Variants in DMD observed in about 807,000 individuals in gnomAD.
DMD encodes the protein dystrophin, also known as mutant dystrophin.
In DMD, 63 loss-of-function variants were observed where a neutral mutation model predicts 330.1. The ratio of observed to expected loss-of-function variants is 0.19; its 90% CI spans 0.16 to 0.24. The LOEUF is 0.24. Among genes scored for constraint, DMD ranks in the 10% least tolerant of loss-of-function variants. The pLI, the probability that DMD is intolerant of heterozygous loss-of-function variation, is 1.00. For missense variants in DMD, 3,344 were observed against 2,684.1 expected (o/e 1.25, Z -5.43); for synonymous variants, 1,223 against 959.8 (o/e 1.27, Z -5.07).
intron 37 of DMD, among the ~76,000 whole-genome samples, chrX:32,353,231 G>A (rs2097787743): frequency 9.0e-6 from 1 of 111,271 alleles, no homozygotes; most frequent in Non-Finnish European, 1.9e-5. Flanking sequence ...TTCAGCATTA[G>A]GCTATGCCCA....
chrX:32,342,154 C>A lies in DMD; in HGVS notation c.5868G>T (p.Trp1956Cys). The change falls in exon 41 of 79, where the codon TGG becomes TGT. Residue 1956 changes from tryptophan (W) to cysteine (C), a missense_variant. Transcript: ENST00000357033. ...GAGCAAATTTGCTCTCAATTTCCCG[C>A]CAGCGCTTGCTGAGCTGGATCTGAG... ...EPTQIQLSKRWREIESKFAQF... is the reference protein window; with the variant it reads ...EPTQIQLSKRCREIESKFAQF... 1.7e-6 allele frequency: 2 copies of A among 1,210,117 alleles called. No homozygotes were observed. The highest frequency in any genetic ancestry group is 2.3e-4 in the Middle Eastern group (1 of 4,348).
intron 44 of DMD, among the ~76,000 whole-genome samples, chrX:32,147,278 T>C (rs1180454870): frequency 9.0e-6 from 1 of 111,623 alleles, no homozygotes; most frequent in Non-Finnish European, 1.9e-5. Flanking sequence ...AGTTAATGAG[T>C]TATTTCATGT....
chrX:31,355,696 T>C (rs1279125793), intron 60 of DMD, among the ~76,000 whole-genome samples: 1 of 111,057 alleles, frequency 9.0e-6, no homozygotes, highest in East Asian at 2.8e-4. Context: ...TCATTCTTAC[T>C]CCCAAATCCT....
intron 43 of DMD, among the ~76,000 whole-genome samples, chrX:32,270,363 A>T (rs2097360876): frequency 8.9e-6 from 1 of 112,389 alleles, no homozygotes; most frequent in African/African-American, 3.2e-5. Context: ...GATTCAGAAT[A>T]CCTTTCCAAG....
intron 23 of DMD, 143 bp downstream of exon 23, chrX:32,468,355 A>C: frequency 1.9e-6 from 1 of 515,468 alleles, no homozygotes; most frequent in South Asian, 3.4e-5. Context: ...ATCCTTTGTA[A>C]AAGACTCATG....
rs149871261 is a variant in DMD, at chrX:32,440,014, T to C, written c.3921+1166A>G. 3.4e-3 allele frequency among the ~76,000 whole-genome samples: 383 copies of C among 111,329 alleles called. 2 individuals are homozygous for C. The highest frequency in any genetic ancestry group is 0.012 in the African/African-American group (364 of 30,739). ...TCTCTCTTTCCTTAACATTCCTTTGTGAACATGCCCTAGTTTTTCAGCACA... is the reference window on the plus strand; with the variant it reads ...TCTCTCTTTCCTTAACATTCCTTTGCGAACATGCCCTAGTTTTTCAGCACA... On this transcript the variant is annotated intron_variant, in intron 28 of 78. Transcript: ENST00000357033.
intron 60 of DMD, among the ~76,000 whole-genome samples, chrX:31,372,866 A>G (rs1412899961): frequency 4.5e-5 from 5 of 111,364 alleles, no homozygotes; most frequent in Non-Finnish European, 7.5e-5. Context: ...TCAATTAGGA[A>G]AAGAGGAAGT....
At chrX:32,287,430 C>A in intron 43 of DMD, 99 bp downstream of exon 43, 33 of 824,372 alleles carry the variant, frequency 4.0e-5, no homozygotes, top group Non-Finnish European at 5.9e-5. Context: ...ACTTCTTTTT[C>A]CCTGTCTTTT....
chrX:31,281,288 A>C (rs1293625555), intron 62 of DMD, among the ~76,000 whole-genome samples: 6 of 111,662 alleles, frequency 5.4e-5, no homozygotes, highest in Non-Finnish European at 3.8e-5. Flanking sequence ...CTTGTACCCA[A>C]TATTCTCAAA....
At chrX:33,249,433 G>A (rs1265303648) in intron 1 of DMD, among the ~76,000 whole-genome samples, 1 of 112,224 alleles carries the variant, frequency 8.9e-6, no homozygotes, top group African/African-American at 3.2e-5. Flanking sequence ...TTACAGGCAT[G>A]AGCCACCATG....
At chrX:32,353,515 T>G (rs1030703677) in intron 37 of DMD, among the ~76,000 whole-genome samples, 1 of 111,536 alleles carries the variant, frequency 9.0e-6, no homozygotes, top group African/African-American at 3.2e-5. Flanking sequence ...AAGTTACTTC[T>G]ATTGACTTTA....
chrX:32,783,700 TTAATG>T (rs1303768919), intron 7 of DMD, among the ~76,000 whole-genome samples: 2 of 110,812 alleles, frequency 1.8e-5, no homozygotes, highest in African/African-American at 6.5e-5. Flanking sequence ...TAGAGATAAT[TTAATG>T]TAAACAGGAG....
chrX:32,751,319 G>A (rs1300695264), intron 7 of DMD, among the ~76,000 whole-genome samples: 1 of 111,177 alleles, frequency 9.0e-6, no homozygotes, highest in African/African-American at 3.3e-5. Flanking sequence ...TCCAAGCTGA[G>A]ATGGTCTCAG....
intron 62 of DMD, among the ~76,000 whole-genome samples, chrX:31,287,902 A>G (rs17338430): frequency 0.08 from 8,894 of 111,371 alleles, 485 homozygotes; most frequent in Admixed American, 0.19. Context: ...AAACCTCCCA[A>G]TTAAAGACTC....
Position 32,310,098 on chromosome X carries a change from T to G in DMD, c.6101A>C (p.Gln2034Pro), listed in dbSNP as rs144754029. 1 of 1,207,192 alleles carries G rather than the reference T, an allele frequency of 8.3e-7. No individual in the cohort carries two copies. Among genetic ancestry groups the G allele is most frequent in the East Asian group, 3.0e-5 (1 of 33,658 alleles). ...TGGTTTTACCTTCAGAGACTCCTCT[T>G]GCTTAAAGAGATCTTCAAAGTCCTT... Reference protein sequence around the residue: ...CAKDFEDLFKQEESLKNIKDS... With the variant: ...CAKDFEDLFKPEESLKNIKDS... Residue 2034 changes from glutamine (Q) to proline (P), a missense_variant, in exon 42 of 79, where the codon CAA (glutamine) becomes CCA (proline). Transcript: ENST00000357033.
intron 42 of DMD, among the ~76,000 whole-genome samples, chrX:32,307,398 C>T (rs889837865): frequency 5.4e-5 from 6 of 111,198 alleles, no homozygotes; most frequent in Admixed American, 9.6e-5. Flanking sequence ...CTGGGGAACA[C>T]GGGGGATGCA....
chrX:33,010,916 G>A (rs1232163884), intron 2 of DMD, among the ~76,000 whole-genome samples: 2 of 111,080 alleles, frequency 1.8e-5, no homozygotes, highest in Non-Finnish European at 1.9e-5. Context: ...GGATTCCTGG[G>A]TCCCACCCTA....
chrX:31,517,931 A>G (rs1279166110), intron 55 of DMD, among the ~76,000 whole-genome samples: 1 of 81,845 alleles, frequency 1.2e-5, no homozygotes, highest in South Asian at 5.2e-4. Flanking sequence ...ACACACACAC[A>G]CACACACACA....
chrX:33,028,647 C>T (rs938993425), intron 1 of DMD, among the ~76,000 whole-genome samples: 26 of 111,977 alleles, frequency 2.3e-4, no homozygotes, highest in Admixed American at 1.7e-3. Flanking sequence ...AGATCTAGGT[C>T]GAATGTGAGG....
Sources: gnomAD v4.1 joint callset for allele counts (sites outside exome capture counted in the v4.1 genomes callset) on GRCh38, gnomAD v4.1.1 for gene constraint, MANE v1.5 for transcripts, NCBI Gene and HGNC (gene_info 2026-07-23, HGNC 2026-07-21) for gene names.